The following RNF215 variants were observed in gnomAD, a reference collection of about 807,000 sequenced individuals.
RNF215 encodes ring finger protein 215.
A neutral mutation model predicts 44.8 loss-of-function variants in RNF215; 41 were observed. The observed-to-expected ratio is 0.92, with a 90% CI of 0.71 to 1.19. The LOEUF (loss-of-function observed/expected upper bound fraction) is 1.19, where lower values mean the gene tolerates loss of function less well. Among genes scored for constraint, RNF215 ranks in the 50% most tolerant of loss-of-function variants. The probability of loss-of-function intolerance (pLI) is 0.00; values close to 1 mark genes in which losing one functional copy is unlikely to be tolerated. For synonymous variants in RNF215, 218 were observed against 230.1 expected (o/e 0.95, Z 0.48); for missense variants, 452 against 496.2 (o/e 0.91, Z 0.85).
Position 30,379,617 on chromosome 22 carries a change from G to T in RNF215, c.1117C>A (p.Arg373Ser). The change falls in exon 9 of 9, where the codon CGC (arginine) becomes AGC (serine). Residue 373 changes from arginine to serine, a missense_variant. Physicochemically the swap from Arg to Ser is moderately radical, Grantham distance 110. Transcript: ENST00000382363. ...CTGGGCAGCTAATCATCGGAGTAGCGGTTCCCTGCAGGGGAGGGGAAGAAG... is the reference window on the plus strand; with the variant it reads ...CTGGGCAGCTAATCATCGGAGTAGCTGTTCCCTGCAGGGGAGGGGAAGAAG... ...PLCKFNVLGNRYSDD is the reference protein window; with the variant it reads ...PLCKFNVLGNSYSDD 1 of 1,551,266 alleles carries T rather than the reference G, an allele frequency of 6.4e-7. No homozygotes were observed. The highest frequency in any genetic ancestry group is 8.7e-7 in the Non-Finnish European group (1 of 1,147,050).
chr22:30,381,900 G>A (rs1022378096), intron 5 of RNF215, among the ~76,000 whole-genome samples: 3 of 152,276 alleles, frequency 2.0e-5, no homozygotes, highest in South Asian at 2.1e-4. Flanking sequence ...GCTCCAGGCT[G>A]AGTGCCTTTA....
chr22:30,385,107 C>G (rs1933577840), intron 4 of RNF215, among the ~76,000 whole-genome samples: 1 of 152,116 alleles, frequency 6.6e-6, no homozygotes, highest in Non-Finnish European at 1.5e-5. Flanking sequence ...GCCACCATTC[C>G]CAGCCGAGAG....
In RNF215 at chr22:30,379,277, A is replaced by T. The variant is rs1569197954; in HGVS notation, c.*323T>A. ...AGCTCCCAGAACCCTGGCGACAGCT[A>T]CACTGGCCCCATATTCTCTTTCCTT... On this transcript the variant is annotated 3_prime_UTR_variant, in exon 9 of 9. Transcript: ENST00000382363. The T allele has an allele frequency of 2.5e-6, 1 of 397,718 alleles. No individual in the cohort carries two copies. The highest frequency in any genetic ancestry group is 5.0e-5 in the East Asian group (1 of 20,160). The allele number at this position is 397,718 out of a possible 1,614,324, so 24.6% of individuals were successfully genotyped here. A position where few individuals can be genotyped will look rare whatever the true frequency, so the allele number is the denominator to read the frequency against.
chr22:30,384,643 G>A (rs1933571670), intron 4 of RNF215, 148 bp from the exon 5 acceptor site: 1 of 646,602 alleles, frequency 1.5e-6, no homozygotes, highest in East Asian at 2.9e-5. Flanking sequence ...CCCTCTATTG[G>A]TTTTTCCAAT....
chr22:30,385,381 C>G (rs528020591), intron 4 of RNF215, among the ~76,000 whole-genome samples: 3 of 149,146 alleles, frequency 2.0e-5, no homozygotes, highest in East Asian at 2.0e-4. Flanking sequence ...GAGATCGCGC[C>G]ACTGCACTCC....
chr22:30,386,900 G>T, intron 1 of RNF215, 129 bp downstream of exon 1: 1 of 1,475,300 alleles, frequency 6.8e-7, no homozygotes, highest in East Asian at 2.4e-5. Context: ...GGGGGCCTGG[G>T]GAGCCTGGGG....
Position 30,384,322 on chromosome 22 carries a change from A to G in RNF215, c.744+17T>C. The G allele has an allele frequency of 6.2e-7, 1 of 1,606,538 alleles. No individual in the cohort carries two copies. Among genetic ancestry groups the G allele is most frequent in the Non-Finnish European group, 8.5e-7 (1 of 1,174,256 alleles). ...AGCCTCCTTTCCCTAGGCCCCATGT[A>G]ATCTGCTAGCACCCACCTGCTCCTG... On this transcript the variant is annotated intron_variant, in intron 5 of 8. Coordinates refer to ENST00000382363, the MANE Select transcript of RNF215 (RefSeq NM_001017981.2).
Position 30,387,141 on chromosome 22 carries a change from C to G in RNF215, c.173G>C (p.Arg58Pro). ...CAGTCTCACGTCCACCCGCACGGCG[C>G]GGGCTCCGCCCCGCCCCGCCCCGGC... is the stretch of plus-strand genomic sequence containing the variant. ...PAAGAGRGGA[R>P]AVRVDVRLPR... Residue 58 changes from arginine (R) to proline (P), a missense_variant, in exon 1 of 9, where the codon CGC becomes CCC. Physicochemically the swap from Arg to Pro is moderately radical, Grantham distance 103. Transcript: ENST00000382363. 1 of 1,444,550 alleles carries G rather than the reference C, an allele frequency of 6.9e-7. No individual in the cohort carries two copies. The highest frequency in any genetic ancestry group is 9.1e-7 in the Non-Finnish European group (1 of 1,097,094). The allele number at this position is 1,444,550 out of a possible 1,614,324, so 89.5% of individuals were successfully genotyped here.
intron 8 of RNF215, 31 bp from the exon 9 acceptor site, chr22:30,379,653 G>T: frequency 6.4e-7 from 1 of 1,552,062 alleles, no homozygotes; most frequent in Non-Finnish European, 8.7e-7. Context: ...AACAGGGAGA[G>T]AGGCATCAGG....
chr22:30,386,286 G>C, intron 2 of RNF215, 145 bp from the exon 3 acceptor site: 1 of 790,480 alleles, frequency 1.3e-6, no homozygotes, highest in Non-Finnish European at 2.0e-6. Flanking sequence ...GAGGTCAAAG[G>C]TGGAAACTGC....
rs201336951 is a variant in RNF215, at chr22:30,380,415, C to T, written c.745-14G>A. On this transcript the variant is annotated splice_polypyrimidine_tract_variant and intron_variant, in intron 5 of 8. Transcript: ENST00000382363. The surrounding 1 kb of genome is among the most constrained non-coding windows in gnomAD (Gnocchi z 5.3). ...CTGCAGGGGTTTCTGGGGAGGGAAG[C>T]AGTCATCAGGGACATGGGGCCACCC... 2,289 of 1,594,972 alleles carry T rather than the reference C, an allele frequency of 1.4e-3. 5 individuals are homozygous for T. The highest frequency in any genetic ancestry group is 1.8e-3 in the Non-Finnish European group (2,124 of 1,169,782).
intron 1 of RNF215, 57 bp downstream of exon 1, chr22:30,386,972 T>C (rs1933609546): frequency 1.3e-6 from 2 of 1,525,688 alleles, no homozygotes; most frequent in Non-Finnish European, 1.8e-6. Context: ...GCGGGGTCTC[T>C]AGGGAGGGTT....
rs1315886041 is a variant in RNF215 at position 30,384,586 on chromosome 22, CT to C, written c.588-92del. 24 of 1,179,472 alleles carry C rather than the reference CT, an allele frequency of 2.0e-5. No homozygotes were observed. The South Asian group carries it at 2.2e-4, about 11-fold the overall frequency. The allele number at this position is 1,179,472 out of a possible 1,614,324, so 73.1% of individuals were successfully genotyped here. ...CCCCAGCTCTGCAGGAAAAGGATACCTACGACTGTCGCCCCTGCTGGCCTTA... is the reference window on the plus strand; with the variant it reads ...CCCCAGCTCTGCAGGAAAAGGATACCACGACTGTCGCCCCTGCTGGCCTTA... On this transcript the variant is annotated intron_variant, in intron 4 of 8. Coordinates refer to ENST00000382363, the MANE Select transcript of RNF215 (RefSeq NM_001017981.2).
chr22:30,387,039 C>T lies in RNF215; in HGVS notation c.275G>A (p.Arg92His), dbSNP rs1430144194. ...CTCAGCAGCGCTCACCAGCAGCAGA[C>T]GACCGCCCAGCAGGGGCGCCGGGTC... ...EADPAPLLGG[R>H]LLLMDIVDAE... is the part of the protein sequence containing the mutation. Residue 92 changes from arginine (R) to histidine (H), a missense_variant, in exon 1 of 9, where the codon CGT becomes CAT. Coordinates refer to ENST00000382363, the MANE Select transcript of RNF215 (RefSeq NM_001017981.2). 5 of 1,544,488 alleles carry T rather than the reference C, an allele frequency of 3.2e-6. No homozygotes were observed. In the South Asian group the frequency reaches 4.7e-5, roughly 15 times the overall value.
chr22:30,385,441 A>G (rs1933584229), intron 4 of RNF215, among the ~76,000 whole-genome samples: 1 of 147,044 alleles, frequency 6.8e-6, no homozygotes, highest in African/African-American at 2.5e-5. Context: ...AAAAAAAAAA[A>G]GTTAACAGTT....
chr22:30,384,200 T>C lies in RNF215; in HGVS notation c.744+139A>G, dbSNP rs1184032973. On this transcript the variant is annotated intron_variant, in intron 5 of 8. Coordinates refer to ENST00000382363, the MANE Select transcript of RNF215 (RefSeq NM_001017981.2). ...CCACCTACACCATGTCTCTGAACAC[T>C]CACAGCACTCCTGTGGGGTGGGAAA... The C allele has an allele frequency of 1.1e-5, 10 of 902,822 alleles. No individual in the cohort carries two copies. The Middle Eastern group carries it at 9.1e-4, about 82-fold the overall frequency. 55.9% of individuals were successfully genotyped at this position (902,822 alleles called of 1,614,324 possible).
At chr22:30,383,994 G>A (rs574136148) in intron 5 of RNF215, among the ~76,000 whole-genome samples, 1 of 152,354 alleles carries the variant, frequency 6.6e-6, no homozygotes, top group East Asian at 1.9e-4. Flanking sequence ...AGGGTGGCCA[G>A]AGCATAGGAA....
Position 30,380,536 on chromosome 22 carries a change from T to C in RNF215, c.745-135A>G, listed in dbSNP as rs1569198515. 1 of 1,103,056 alleles carries C rather than the reference T, an allele frequency of 9.1e-7. No individual in the cohort carries two copies. Among genetic ancestry groups the C allele is most frequent in the East Asian group, 2.6e-5 (1 of 38,398 alleles). 68.3% of individuals were successfully genotyped at this position (1,103,056 alleles called of 1,614,324 possible). A position where few individuals can be genotyped will look rare whatever the true frequency, so the allele number is the denominator to read the frequency against. The stretch of plus-strand genomic sequence containing the variant: ...CCTCTGTGTCCCTGCAGTCCCCAGC[T>C]TCCTCTTCTGAAGGCTCCGTCTCTT... On this transcript the variant is annotated intron_variant, in intron 5 of 8. Transcript: ENST00000382363. The surrounding 1 kb of genome is among the most constrained non-coding windows in gnomAD (Gnocchi z 5.3).
Position 30,387,026 on chromosome 22 carries a change from CACCAGCA to C in RNF215, c.281_285+2del. 1 of 1,542,738 alleles carries C rather than the reference CACCAGCA, an allele frequency of 6.5e-7. No homozygotes were observed. The highest frequency in any genetic ancestry group is 8.7e-7 in the Non-Finnish European group (1 of 1,149,630). On this transcript the variant is annotated splice_donor_variant and coding_sequence_variant, in exon 1 of 9. Coordinates refer to ENST00000382363, the MANE Select transcript of RNF215 (RefSeq NM_001017981.2). LOFTEE classifies it high-confidence loss of function. ...TGCGGCCAGATGGCTCAGCAGCGCT[CACCAGCA>C]GCAGACGACCGCCCAGCAGGGGCGC... is the stretch of plus-strand genomic sequence containing the variant.
Sources: allele counts gnomAD v4.1 joint callset (sites outside exome capture counted in the v4.1 genomes callset), GRCh38; gene constraint gnomAD v4.1.1; non-coding constraint Gnocchi (gnomAD v3.1); transcripts MANE v1.5; gene names NCBI Gene and HGNC (gene_info 2026-07-23, HGNC 2026-07-21).